Variants in RNF115 observed in about 807,000 individuals in gnomAD.
RNF115 encodes E3 ubiquitin-protein ligase RNF115.
A neutral mutation model predicts 39.2 loss-of-function variants in RNF115; 31 were observed. The ratio of observed to expected loss-of-function variants is 0.79; its 90% CI spans 0.59 to 1.07. RNF115 has a LOEUF of 1.07. RNF115 is among the 50% of genes least tolerant of loss of function. The pLI, the probability that RNF115 is intolerant of heterozygous loss-of-function variation, is 0.00. For synonymous variants in RNF115, 124 were observed against 131.0 expected, an observed-to-expected ratio of 0.95 and a Z score of 0.37; for missense variants, 384 against 381.7, an observed-to-expected ratio of 1.01 and a Z score of -0.05.
At chr1:145,820,207 GTAACC>G (rs1254604394) in intron 1 of RNF115, among the ~76,000 whole-genome samples, 1 of 150,124 alleles carries the variant, frequency 6.7e-6, no homozygotes, top group Admixed American at 6.7e-5. Context: ...GCTCATGCCT[GTAACC>G]CCAGCACTTT....
chr1:145,821,916 A>G (rs1650262638), intron 1 of RNF115, among the ~76,000 whole-genome samples: 1 of 131,350 alleles, frequency 7.6e-6, no homozygotes, highest in South Asian at 2.6e-4. Context: ...TCTATGGTAG[A>G]AGAGTTCTGC....
Position 145,741,194 on chromosome 1 carries a change from G to A in RNF115, c.*5672C>T, listed in dbSNP as rs1407340789. 6.6e-6 allele frequency: 1 copy of A among 152,124 alleles called. No homozygotes were observed. The highest frequency in any genetic ancestry group is 1.5e-5 in the Non-Finnish European group (1 of 68,014). 9.4% of individuals were successfully genotyped at this position (152,124 alleles called of 1,614,324 possible). A position where few individuals can be genotyped will look rare whatever the true frequency, so the allele number is the denominator to read the frequency against. On this transcript the variant is annotated 3_prime_UTR_variant, in exon 9 of 9. Transcript: ENST00000582693. ...TGTATTTCTTATTAGAAAAAGTAAA[G>A]AATCACAGGCTTACATCCTATGATC... is the stretch of plus-strand genomic sequence containing the variant.
chr1:145,772,872 T>G (rs1436808209), intron 3 of RNF115: 1 of 152,214 alleles, frequency 6.6e-6, no homozygotes, highest in Non-Finnish European at 1.5e-5. Flanking sequence ...ACACATCTCC[T>G]GGACTCTGTT....
Position 145,784,581 on chromosome 1 carries a change from G to A in RNF115, c.177C>T (p.Gly59=), listed in dbSNP as rs201119187. ...VTDDSSFLGG[G]GSRIDNTTTT... is the part of the protein sequence containing the mutation. ...TTGTGGTATTGTCTATCCGACTGCC[G>A]CCACCACCTAAAAAACTAAAGAGAA... is the stretch of plus-strand genomic sequence containing the variant. Residue 59 remains glycine, a synonymous_variant, in exon 3 of 9, where the codon GGC becomes GGT. Coordinates refer to ENST00000582693, the MANE Select transcript of RNF115 (RefSeq NM_014455.4). The A allele has an allele frequency of 3.7e-5, 60 of 1,613,704 alleles. No homozygotes were observed. In the Admixed American group the frequency reaches 6.0e-4, roughly 16 times the overall value.
Position 145,740,121 on chromosome 1 carries a change from C to T in RNF115, c.*6745G>A, listed in dbSNP as rs1553710813. On this transcript the variant is annotated 3_prime_UTR_variant, in exon 9 of 9. Coordinates refer to ENST00000582693, the MANE Select transcript of RNF115 (RefSeq NM_014455.4). ...TCTGTGTTTCTAACTAAATAATAAA[C>T]TCACATAGGTAGAGATGTCTTTTGT... 1 of 152,200 alleles carries T rather than the reference C, an allele frequency of 6.6e-6. No homozygotes were observed. The allele number at this position is 152,200 out of a possible 1,614,324, so 9.4% of individuals were successfully genotyped here.
intron 3 of RNF115, among the ~76,000 whole-genome samples, chr1:145,778,717 T>A (rs996946604): frequency 9.2e-5 from 14 of 152,220 alleles, no homozygotes; most frequent in African/African-American, 3.4e-4. Flanking sequence ...GATCTTTCTG[T>A]GGTTTGCATT....
chr1:145,791,199 T>C (rs932946056), intron 1 of RNF115, among the ~76,000 whole-genome samples: 22 of 151,660 alleles, frequency 1.5e-4, no homozygotes, highest in African/African-American at 5.3e-4. Flanking sequence ...GACTACTACT[T>C]TTTACTGTGT....
chr1:145,822,250 C>T (rs1296007252), intron 1 of RNF115, among the ~76,000 whole-genome samples: 4 of 151,730 alleles, frequency 2.6e-5, no homozygotes, highest in African/African-American at 9.7e-5. Flanking sequence ...CTCTCTTGAA[C>T]CCGGCAGGTG....
At chr1:145,781,199 AATAAGCCTC>A (rs1263481520) in intron 3 of RNF115, among the ~76,000 whole-genome samples, 1 of 152,182 alleles carries the variant, frequency 6.6e-6, no homozygotes, top group Non-Finnish European at 1.5e-5. Flanking sequence ...ATTTTCTTGG[AATAAGCCTC>A]TTCTAATATA....
At chr1:145,789,159 G>T (rs1457183503) in intron 1 of RNF115, among the ~76,000 whole-genome samples, 193 bp from the exon 2 acceptor site, 1 of 151,850 alleles carries the variant, frequency 6.6e-6, no homozygotes, top group Non-Finnish European at 1.5e-5. Context: ...CTGGACTGCA[G>T]TGGTATGATC....
At chr1:145,766,639 C>CCCT (rs1647295401) in intron 4 of RNF115, among the ~76,000 whole-genome samples, 1 of 149,620 alleles carries the variant, frequency 6.7e-6, no homozygotes, top group Non-Finnish European at 1.5e-5. Context: ...CCCCCCACCT[C>CCCT]CCTCCCGGAT....
At chr1:145,749,112 T>C (rs991568607) in intron 7 of RNF115, among the ~76,000 whole-genome samples, 8 of 152,274 alleles carry the variant, frequency 5.3e-5, no homozygotes, top group African/African-American at 1.9e-4. Context: ...TGGCTAATAC[T>C]GTCAGCTAGT....
Position 145,750,397 on chromosome 1 carries a change from A to G in RNF115, c.667+10T>C. 2 of 1,600,448 alleles carry G rather than the reference A, an allele frequency of 1.2e-6. No individual in the cohort carries two copies. The highest frequency in any genetic ancestry group is 2.2e-5 in the South Asian group (2 of 90,742). Reference sequence around the variant, plus strand: ...AGAAGATGACAGAATAAGTATAAAAATGAACCTACCAACTTGTTCCTGAGT... The same window carrying G: ...AGAAGATGACAGAATAAGTATAAAAGTGAACCTACCAACTTGTTCCTGAGT... On this transcript the variant is annotated intron_variant, in intron 7 of 8. Transcript: ENST00000582693.
chr1:145,814,864 T>C (rs1391950791), intron 1 of RNF115, among the ~76,000 whole-genome samples: 2 of 152,234 alleles, frequency 1.3e-5, no homozygotes, highest in Non-Finnish European at 2.9e-5. Context: ...AAATTTCACA[T>C]GGTAGCACCT....
intron 3 of RNF115, among the ~76,000 whole-genome samples, chr1:145,778,279 C>A (rs183861113): frequency 6.3e-4 from 96 of 152,228 alleles, no homozygotes; most frequent in African/African-American, 2.2e-3. Context: ...CCTATATAGG[C>A]AAATCCATAG....
chr1:145,786,092 G>T (rs1232275502), intron 2 of RNF115, among the ~76,000 whole-genome samples: 1 of 152,122 alleles, frequency 6.6e-6, no homozygotes, highest in Non-Finnish European at 1.5e-5. Context: ...CTGGGGTTCT[G>T]CTCTCCCTGA....
At chr1:145,764,202 T>C (rs1473873698) in intron 4 of RNF115, among the ~76,000 whole-genome samples, 2 of 152,198 alleles carry the variant, frequency 1.3e-5, no homozygotes, top group Non-Finnish European at 2.9e-5. Flanking sequence ...AGACGGAGTC[T>C]TGTTCACTCA....
Position 145,811,288 on chromosome 1 carries a change from A to G in RNF115, c.102+12484T>C, listed in dbSNP as rs1460079457. Among the ~76,000 whole-genome samples the G allele has an allele frequency of 4.4e-4, 67 of 150,802 alleles. 1 individual carries two copies. The highest frequency in any genetic ancestry group is 3.4e-3 in the Middle Eastern group (1 of 292). ...TGTAATCTCAGCACTTTGGGAGGCC[A>G]AGGAGGAGGACAGCTTGAGCCTAAC... On this transcript the variant is annotated intron_variant, in intron 1 of 8. Transcript: ENST00000582693.
chr1:145,788,472 A>ACCT, intron 2 of RNF115, among the ~76,000 whole-genome samples: 1 of 152,352 alleles, frequency 6.6e-6, no homozygotes, highest in East Asian at 1.9e-4. Context: ...TTACCTGATT[A>ACCT]GGTATCTTTG....
Sources: gnomAD v4.1 joint callset for allele counts (sites outside exome capture counted in the v4.1 genomes callset) on GRCh38, gnomAD v4.1.1 for gene constraint, MANE v1.5 for transcripts, NCBI Gene and HGNC (gene_info 2026-07-23, HGNC 2026-07-21) for gene names.